The following UNC45A variants were observed in gnomAD, a reference collection of about 807,000 sequenced individuals.
UNC45A encodes the protein protein unc-45 homolog A.
Under a neutral mutation model 103.2 loss-of-function variants are expected in UNC45A, and 78 were observed. The observed-to-expected ratio is 0.76, with a 90% CI of 0.63 to 0.91. UNC45A has a LOEUF of 0.91. UNC45A is among the 40% of genes least tolerant of loss of function. The pLI, the probability that UNC45A is intolerant of heterozygous loss-of-function variation, is 0.00. For synonymous variants in UNC45A, 495 were observed against 504.6 expected (o/e 0.98, Z 0.25); for missense variants, 1,193 against 1,224.8 (o/e 0.97, Z 0.39).
At position 90,938,525 on chromosome 15, in the gene UNC45A, G is replaced by A. The variant is rs115953269; in HGVS notation, c.427-1206G>A. On this transcript the variant is annotated intron_variant, in intron 4 of 19. Transcript: ENST00000418476. ...GATTGCCTGAGCCAAGCAGGGGAAC[G>A]TGCCATGACTGGTTAGTCATGGCTG... Among the ~76,000 whole-genome samples, 939 of 152,114 alleles carry A rather than the reference G, an allele frequency of 6.2e-3. 3 individuals are homozygous for A. Among genetic ancestry groups the A allele is most frequent in the Non-Finnish European group, 0.011 (725 of 67,996 alleles).
intron 17 of UNC45A, 87 bp from the exon 18 acceptor site, chr15:90,952,842 C>T: frequency 2.3e-6 from 3 of 1,303,286 alleles, no homozygotes; most frequent in Non-Finnish European, 3.2e-6. Flanking sequence ...GCCCTACCTC[C>T]AACATTGGGG....
intron 17 of UNC45A, chr15:90,952,563 G>A (rs2036975692): frequency 4.7e-6 from 1 of 213,102 alleles, no homozygotes; most frequent in Non-Finnish European, 9.7e-6. Flanking sequence ...TGGGACTACA[G>A]GCGCGCACCA....
At position 90,935,731 on chromosome 15, in the gene UNC45A, T is replaced by C. The variant is rs182855617; in HGVS notation, c.213+26T>C. ...GTGAGGGAGCCTGGCGCTCTTCCCCTCGCCCGCCCGGGCCCCGGTTCGCCC... is the reference window on the plus strand; with the variant it reads ...GTGAGGGAGCCTGGCGCTCTTCCCCCCGCCCGCCCGGGCCCCGGTTCGCCC... On this transcript the variant is annotated intron_variant, in intron 2 of 19. Transcript: ENST00000418476. 2,362 of 1,534,788 alleles carry C rather than the reference T, an allele frequency of 1.5e-3. 50 individuals carry two copies. The Admixed American group carries it at 0.038, about 25-fold the overall frequency.
chr15:90,952,868 G>A, intron 17 of UNC45A, 61 bp from the exon 18 acceptor site: 1 of 1,493,784 alleles, frequency 6.7e-7, no homozygotes, highest in Non-Finnish European at 9.2e-7. Context: ...AGTTCAACAT[G>A]AGGGTTAGAA....
rs1433460459 is a variant in UNC45A at position 90,935,673 on chromosome 15, C to T, written c.181C>T (p.His61Tyr). 2 of 1,581,086 alleles carry T rather than the reference C, an allele frequency of 1.3e-6. No homozygotes were observed. Among genetic ancestry groups the T allele is most frequent in the Admixed American group, 3.8e-5 (2 of 52,866 alleles). Reference protein sequence around the residue: ...DATPQDQAVLHRNRAACHLKL... With the variant: ...DATPQDQAVLYRNRAACHLKL... ...GACGCCCCAGGACCAGGCCGTTCTG[C>T]ACCGGAACCGGGCCGCCTGCCACCT... The change falls in exon 2 of 20, where the codon CAC (histidine) becomes TAC (tyrosine). Residue 61 changes from histidine to tyrosine, a missense_variant. His to Tyr is a moderately conservative substitution (Grantham distance 83, BLOSUM62 2). Coordinates refer to ENST00000418476, the MANE Select transcript of UNC45A (RefSeq NM_018671.5).
upstream of UNC45A, chr15:90,931,732 C>G: frequency 6.2e-7 from 1 of 1,614,142 alleles, no homozygotes; most frequent in Non-Finnish European, 8.5e-7. Context: ...TCAGGTCCCT[C>G]AGATTGTACA....
upstream of UNC45A, chr15:90,932,027 G>T (rs2035814569): frequency 2.5e-6 from 4 of 1,613,956 alleles, no homozygotes; most frequent in Non-Finnish European, 3.4e-6. Flanking sequence ...CCCATCCCAG[G>T]CTCCTGGCAG....
In UNC45A at chr15:90,942,425, C is replaced by T. The variant is rs1286823733; in HGVS notation, c.688-12C>T. ...ACTGGAAGCTTCCTTCTGTTTACCT[C>T]TCCCACCCCAGACAGTGGCAACCCT... On this transcript the variant is annotated splice_polypyrimidine_tract_variant and intron_variant, in intron 6 of 19. Coordinates refer to ENST00000418476, the MANE Select transcript of UNC45A (RefSeq NM_018671.5). 1 of 1,597,852 alleles carries T rather than the reference C, an allele frequency of 6.3e-7. No homozygotes were observed. The highest frequency in any genetic ancestry group is 8.5e-7 in the Non-Finnish European group (1 of 1,170,664).
At chr15:90,950,709 A>C (rs2036859318) in intron 17 of UNC45A, 94 bp downstream of exon 17, 2 of 1,296,130 alleles carry the variant, frequency 1.5e-6, no homozygotes, top group South Asian at 2.6e-5. Flanking sequence ...CTCCTTGGTC[A>C]TGGGCTTCTG....
intron 8 of UNC45A, among the ~76,000 whole-genome samples, chr15:90,944,342 G>A (rs528548715): frequency 2.6e-5 from 4 of 152,062 alleles, no homozygotes; most frequent in South Asian, 2.1e-4. Context: ...AGCCGAGATC[G>A]CGCCATTGCT....
Position 90,944,884 on chromosome 15 carries a change from C to A in UNC45A, c.1028-8C>A. 6.2e-7 allele frequency: 1 copy of A among 1,611,630 alleles called. No homozygotes were observed. Among genetic ancestry groups the A allele is most frequent in the Non-Finnish European group, 8.5e-7 (1 of 1,179,692 alleles). On this transcript the variant is annotated splice_region_variant and splice_polypyrimidine_tract_variant and intron_variant, in intron 8 of 19. Transcript: ENST00000418476. The stretch of plus-strand genomic sequence containing the variant: ...GTGTTCTACTGTCTAAGCGGGGTGT[C>A]TTTACAGGTCTGAAAAAGATTTTGG...
chr15:90,936,417 T>C lies in UNC45A; in HGVS notation c.383T>C (p.Phe128Ser). 1 of 1,614,198 alleles carries C rather than the reference T, an allele frequency of 6.2e-7. No individual in the cohort carries two copies. Among genetic ancestry groups the C allele is most frequent in the African/African-American group, 1.3e-5 (1 of 75,054 alleles). The stretch of plus-strand genomic sequence containing the variant: ...AGCTTGGAGCCCAAGAACAAAGTTT[T>C]CCAGGAGGCCTTGCGGAACATCGGG... ...CVSLEPKNKV[F>S]QEALRNIGGQ... Residue 128 changes from phenylalanine (F) to serine (S), a missense_variant, in exon 4 of 20, where the codon TTC (phenylalanine) becomes TCC (serine). Physicochemically the swap from Phe to Ser is radical, Grantham distance 155. Transcript: ENST00000418476.
chr15:90,945,242 C>T (rs57350755), intron 9 of UNC45A, among the ~76,000 whole-genome samples, 179 bp downstream of exon 9: 15,035 of 152,220 alleles, frequency 0.099, 1,342 homozygotes, highest in East Asian at 0.39. Context: ...AAGTGGCCTC[C>T]GCAGGGAGGT....
intron 10 of UNC45A, 55 bp downstream of exon 10, chr15:90,946,969 C>T: frequency 6.4e-7 from 1 of 1,558,600 alleles, no homozygotes; most frequent in Non-Finnish European, 8.7e-7. Context: ...GGTCCTGGTC[C>T]AGCCGGTGTT....
upstream of UNC45A, chr15:90,934,749 A>G (rs960500570): frequency 2.5e-6 from 1 of 399,330 alleles, no homozygotes; most frequent in Non-Finnish European, 4.4e-6. Context: ...ATGGGGAGCC[A>G]TCCTGAATCT....
chr15:90,940,397 T>C lies in UNC45A; in HGVS notation c.611T>C (p.Leu204Pro). The C allele has an allele frequency of 6.2e-7, 1 of 1,614,202 alleles. No individual in the cohort carries two copies. Among genetic ancestry groups the C allele is most frequent in the Non-Finnish European group, 8.5e-7 (1 of 1,180,016 alleles). The change falls in exon 6 of 20, where the codon CTG becomes CCG. Residue 204 changes from leucine to proline, a missense_variant. Transcript: ENST00000418476. Reference protein sequence around the residue: ...SNGVQLLQRLLDMGETDLMLA... With the variant: ...SNGVQLLQRLPDMGETDLMLA... ...GGGGTTCAGCTCTTGCAACGTTTAC[T>C]GGACATGGGAGAGACTGACCTCATG...
chr15:90,936,106 C>A, intron 3 of UNC45A, 124 bp downstream of exon 3: 1 of 1,533,988 alleles, frequency 6.5e-7, no homozygotes, highest in Non-Finnish European at 8.8e-7. Context: ...TTCTTTCTTT[C>A]CCACTGCCTC....
rs185443934 is a variant in UNC45A, at chr15:90,937,392, T to C, written c.426+932T>C. Among the ~76,000 whole-genome samples the C allele has an allele frequency of 3.7e-3, 570 of 152,168 alleles. 7 individuals carry two copies. Among genetic ancestry groups the C allele is most frequent in the African/African-American group, 0.013 (551 of 41,508 alleles). ...GAAAAATATACAATAACACATATAG[T>C]ATAATATCATTTATGTTAATGATCC... On this transcript the variant is annotated intron_variant, in intron 4 of 19. Transcript: ENST00000418476.
At chr15:90,932,165 T>C (rs927082675), upstream of UNC45A, 38 of 1,532,472 alleles carry the variant, frequency 2.5e-5, no homozygotes, top group Admixed American at 7.6e-4. Context: ...CAAGGCGGTG[T>C]GTTGTGGGTT....
Sources: allele counts gnomAD v4.1 joint callset (sites outside exome capture counted in the v4.1 genomes callset), GRCh38; gene constraint gnomAD v4.1.1; transcripts MANE v1.5; gene names NCBI Gene and HGNC (gene_info 2026-07-23, HGNC 2026-07-21).